SPTLC3: variants seen among roughly 807,000 people sequenced by gnomAD.
SPTLC3 encodes the protein serine palmitoyltransferase 3.
A neutral mutation model predicts 59.3 loss-of-function variants in SPTLC3; 36 were observed. The observed-to-expected ratio is 0.61, with a 90% CI of 0.47 to 0.80. The LOEUF is 0.80. Among genes scored for constraint, SPTLC3 ranks in the 30% least tolerant of loss-of-function variants. The pLI, the probability that SPTLC3 is intolerant of heterozygous loss-of-function variation, is 0.00. For missense variants in SPTLC3, 625 were observed against 685.1 expected (o/e 0.91, Z 0.98); for synonymous variants, 257 against 240.8 (o/e 1.07, Z -0.62).
chr20:13,063,287 T>C (rs1988043667), intron 2 of SPTLC3, among the ~76,000 whole-genome samples: 4 of 152,252 alleles, frequency 2.6e-5, no homozygotes, highest in African/African-American at 9.6e-5. Context: ...AAAATTGATT[T>C]AGAGGAACTC....
rs1345409239 is a variant in SPTLC3 at position 13,141,528 on chromosome 20, C to T, written c.1280-12475C>T. 2.0e-5 allele frequency among the ~76,000 whole-genome samples: 3 copies of T among 152,218 alleles called. No individual in the cohort carries two copies. In the East Asian group the frequency reaches 5.8e-4, roughly 29 times the overall value. On this transcript the variant is annotated intron_variant, in intron 9 of 11. Coordinates refer to ENST00000399002, the MANE Select transcript of SPTLC3 (RefSeq NM_018327.4). The stretch of plus-strand genomic sequence containing the variant: ...CAACTCAGCCAGGACATGGTGTTTG[C>T]TCCATTTTTCTAAGGTCCCTCAATG...
At chr20:13,061,008 T>C (rs1367781843) in intron 2 of SPTLC3, among the ~76,000 whole-genome samples, 1 of 152,220 alleles carries the variant, frequency 6.6e-6, no homozygotes, top group Non-Finnish European at 1.5e-5. Context: ...GTAATTCTAT[T>C]TTTAGTTCTT....
intron 6 of SPTLC3, among the ~76,000 whole-genome samples, chr20:13,106,227 T>C (rs1989888344): frequency 6.6e-6 from 1 of 152,218 alleles, no homozygotes. Flanking sequence ...TGTCTCCTAG[T>C]CTACGTTCTT....
chr20:13,053,773 C>G (rs376216386), intron 2 of SPTLC3, among the ~76,000 whole-genome samples: 1 of 151,560 alleles, frequency 6.6e-6, no homozygotes, highest in African/African-American at 2.4e-5. Context: ...ATTGATCAAG[C>G]GGAAGAAAGG....
intron 6 of SPTLC3, among the ~76,000 whole-genome samples, chr20:13,096,141 A>G (rs1244359629): frequency 1.3e-5 from 2 of 152,192 alleles, no homozygotes; most frequent in Non-Finnish European, 2.9e-5. Context: ...TAGCAAGGCT[A>G]TGGAGCCACC....
chr20:13,038,977 T>C (rs1242532035), intron 1 of SPTLC3, among the ~76,000 whole-genome samples: 1 of 152,146 alleles, frequency 6.6e-6, no homozygotes, highest in Non-Finnish European at 1.5e-5. Flanking sequence ...GATTTCTAAT[T>C]CCATTGCCGT....
At chr20:13,121,688 T>C (rs6033621) in intron 8 of SPTLC3, among the ~76,000 whole-genome samples, 110,391 of 152,012 alleles carry the variant, frequency 0.73, 40,439 homozygotes, top group African/African-American at 0.82. Flanking sequence ...GAGGGGGAAT[T>C]AGTAGCCAGG....
At chr20:13,021,882 A>C (rs1372478464) in intron 1 of SPTLC3, among the ~76,000 whole-genome samples, 1 of 152,238 alleles carries the variant, frequency 6.6e-6, no homozygotes, top group Non-Finnish European at 1.5e-5. Flanking sequence ...TAGATAGATT[A>C]GATGGATGAT....
intron 6 of SPTLC3, 95 bp from the exon 7 acceptor site, chr20:13,110,017 T>A: frequency 1.0e-6 from 1 of 991,818 alleles, no homozygotes; most frequent in Non-Finnish European, 1.5e-6. Context: ...AAAGTTTAGG[T>A]CTGAGTGTGA....
chr20:13,014,730 G>A (rs1220153416), intron 1 of SPTLC3, among the ~76,000 whole-genome samples: 2 of 151,566 alleles, frequency 1.3e-5, no homozygotes, highest in Non-Finnish European at 2.9e-5. Context: ...AACTGGGACT[G>A]AGACTTGTCG....
chr20:13,164,338 C>T (rs1361784070), intron 11 of SPTLC3: 1 of 471,884 alleles, frequency 2.1e-6, no homozygotes, highest in Non-Finnish European at 4.4e-6. Flanking sequence ...CCGCAACATT[C>T]CTCTTTGTTC....
intron 9 of SPTLC3, among the ~76,000 whole-genome samples, chr20:13,142,484 T>C (rs2038406884): frequency 6.6e-6 from 1 of 152,214 alleles, no homozygotes; most frequent in African/African-American, 2.4e-5. Flanking sequence ...TTTTCCTTCC[T>C]ACAGCTGGGG....
chr20:13,063,799 C>T (rs529489043), intron 2 of SPTLC3, among the ~76,000 whole-genome samples: 7 of 151,456 alleles, frequency 4.6e-5, no homozygotes, highest in South Asian at 2.1e-4. Flanking sequence ...GGATTACAGG[C>T]GCCCGCCACC....
rs1247571487 is a variant in SPTLC3 at position 13,160,117 on chromosome 20, G to T, written c.1530G>T (p.Arg510=). The change falls in exon 11 of 12, where the codon CGG becomes CGT. Residue 510 remains arginine (R), a synonymous_variant. Transcript: ENST00000399002. The stretch of plus-strand genomic sequence containing the variant: ...TTTGTGTTTCAGCGGCACATACCCG[G>T]GAGATGTTAGACACGGTGAGTACAC... The part of the protein sequence containing the change: ...ARFCVSAAHT[R]EMLDTVLEAL... 2 of 1,613,798 alleles carry T rather than the reference G, an allele frequency of 1.2e-6. No individual in the cohort carries two copies. Among genetic ancestry groups the T allele is most frequent in the Admixed American group, 3.3e-5 (2 of 59,990 alleles).
intron 1 of SPTLC3, among the ~76,000 whole-genome samples, chr20:13,036,151 T>C (rs1986723279): frequency 6.6e-6 from 1 of 152,094 alleles, no homozygotes; most frequent in African/African-American, 2.4e-5. Flanking sequence ...TAGGTGATGA[T>C]TTAAAAAAAA....
At chr20:13,074,134 G>T in intron 3 of SPTLC3, 1 of 724,814 alleles carries the variant, frequency 1.4e-6, no homozygotes, top group South Asian at 1.4e-5. Context: ...GGCACTGGCT[G>T]AGGGGGTCTG....
chr20:13,107,156 G>A (rs1321727665), intron 6 of SPTLC3, among the ~76,000 whole-genome samples: 4 of 152,172 alleles, frequency 2.6e-5, no homozygotes, highest in Admixed American at 6.5e-5. Context: ...GCATACAAAC[G>A]TCTGGGCCCT....
At chr20:13,035,327 T>G (rs17226320) in intron 1 of SPTLC3, among the ~76,000 whole-genome samples, 12,925 of 152,246 alleles carry the variant, frequency 0.085, 661 homozygotes, top group South Asian at 0.12. Flanking sequence ...CTATAAGTTG[T>G]CCTACATATT....
intron 11 of SPTLC3, among the ~76,000 whole-genome samples, chr20:13,163,367 CAAAAA>C (rs56217510): frequency 6.7e-5 from 6 of 90,080 alleles, no homozygotes; most frequent in Non-Finnish European, 8.8e-5. Flanking sequence ...GACGCTGTCT[CAAAAA>C]AAAAAAAAAA....
Sources: allele counts gnomAD v4.1 joint callset (sites outside exome capture counted in the v4.1 genomes callset), GRCh38; gene constraint gnomAD v4.1.1; transcripts MANE v1.5; gene names NCBI Gene and HGNC (gene_info 2026-07-23, HGNC 2026-07-21).